The following CEP57 variants were observed in gnomAD, a reference collection of about 807,000 sequenced individuals.
CEP57 encodes centrosomal protein 57.
CEP57 carries 40 observed loss-of-function variants against 68.0 expected under a neutral mutation model. The ratio of observed to expected loss-of-function variants is 0.59; its 90% CI spans 0.46 to 0.77. The LOEUF (loss-of-function observed/expected upper bound fraction) is 0.77, where lower values mean the gene tolerates loss of function less well. CEP57 is among the 30% of genes least tolerant of loss of function. The pLI, the probability that CEP57 is intolerant of heterozygous loss-of-function variation, is 0.00. For missense variants in CEP57, 606 were observed against 580.7 expected (o/e 1.04, Z -0.45); for synonymous variants, 219 against 198.7 (o/e 1.10, Z -0.86).
chr11:95,805,804 T>C (rs2135286122), intron 2 of CEP57, among the ~76,000 whole-genome samples: 1 of 152,312 alleles, frequency 6.6e-6, no homozygotes, highest in African/African-American at 2.4e-5. Context: ...TTAGGGTGTG[T>C]ATGTAACAAA....
chr11:95,821,687 G>A (rs1862522316), intron 6 of CEP57, among the ~76,000 whole-genome samples, 184 bp from the exon 7 acceptor site: 1 of 152,120 alleles, frequency 6.6e-6, no homozygotes, highest in Non-Finnish European at 1.5e-5. Flanking sequence ...ATGAGAGACT[G>A]GTATTTATTT....
At chr11:95,807,396 A>G (rs1565317335) in intron 2 of CEP57, among the ~76,000 whole-genome samples, 3 of 152,226 alleles carry the variant, frequency 2.0e-5, no homozygotes. Context: ...AAGGCTTCAA[A>G]CGATCGGTGA....
intron 2 of CEP57, among the ~76,000 whole-genome samples, chr11:95,807,495 T>A (rs1156929722): frequency 6.6e-6 from 1 of 152,128 alleles, no homozygotes; most frequent in Non-Finnish European, 1.5e-5. Context: ...AATGGCTAAC[T>A]AGAATAAACA....
intron 2 of CEP57, among the ~76,000 whole-genome samples, chr11:95,801,925 G>A (rs987067789): frequency 6.6e-6 from 1 of 152,064 alleles, no homozygotes; most frequent in Non-Finnish European, 1.5e-5. Flanking sequence ...CAATGTCCCA[G>A]GATAATTATT....
intron 1 of CEP57, 95 bp downstream of exon 1, chr11:95,790,838 C>A: frequency 1.4e-6 from 2 of 1,444,636 alleles, no homozygotes; most frequent in South Asian, 1.2e-5. Context: ...CAGCTTCTGA[C>A]GCAATTCTGG....
chr11:95,828,295 A>ATAT, intron 9 of CEP57, among the ~76,000 whole-genome samples: 1 of 152,238 alleles, frequency 6.6e-6, no homozygotes, highest in Non-Finnish European at 1.5e-5. Context: ...GTCATGCATC[A>ATAT]CTGAATGACA....
rs902125355 is a variant in CEP57, at chr11:95,832,611, C to T, written c.*1355C>T. ...CTGGTGACATGATAAATATATGTGT[C>T]AACCACCATTTCAGCTATTAAAAAC... On this transcript the variant is annotated 3_prime_UTR_variant, in exon 11 of 11. Transcript: ENST00000325542. 6.6e-6 allele frequency: 1 copy of T among 152,116 alleles called. No individual in the cohort carries two copies. Among genetic ancestry groups the T allele is most frequent in the African/African-American group, 2.4e-5 (1 of 41,432 alleles). 9.4% of individuals were successfully genotyped at this position (152,116 alleles called of 1,614,324 possible). A position where few individuals can be genotyped will look rare whatever the true frequency, so the allele number is the denominator to read the frequency against.
At chr11:95,803,761 C>G (rs946975747) in intron 2 of CEP57, among the ~76,000 whole-genome samples, 5 of 150,108 alleles carry the variant, frequency 3.3e-5, no homozygotes, top group Non-Finnish European at 7.4e-5. Flanking sequence ...TTTTGCCTAG[C>G]AGGAAACATT....
intron 1 of CEP57, among the ~76,000 whole-genome samples, chr11:95,793,480 TCATA>T (rs1281546267): frequency 1.3e-5 from 2 of 152,224 alleles, no homozygotes; most frequent in Non-Finnish European, 2.9e-5. Flanking sequence ...TTTATGGCTA[TCATA>T]CATTTTATAA....
At chr11:95,805,728 T>C (rs1048402266) in intron 2 of CEP57, among the ~76,000 whole-genome samples, 4 of 152,160 alleles carry the variant, frequency 2.6e-5, no homozygotes, top group Non-Finnish European at 4.4e-5. Flanking sequence ...ATTTTAGTAA[T>C]TGAAATACTG....
chr11:95,793,461 TA>T (rs1292438316), intron 1 of CEP57, among the ~76,000 whole-genome samples: 1 of 152,198 alleles, frequency 6.6e-6, no homozygotes, highest in Non-Finnish European at 1.5e-5. Flanking sequence ...TAATTTCCCT[TA>T]AAAATGTTTT....
upstream of CEP57, chr11:95,790,381 G>A: frequency 4.2e-6 from 2 of 473,942 alleles, no homozygotes; most frequent in Non-Finnish European, 7.6e-6. Flanking sequence ...TGCCCCAGCG[G>A]GCCCCGTTAC....
At chr11:95,812,871 C>G (rs780688123) in intron 2 of CEP57, 61 bp from the exon 3 acceptor site, 2 of 1,445,084 alleles carry the variant, frequency 1.4e-6, no homozygotes, top group Middle Eastern at 4.2e-4. Context: ...TTTATTCTTT[C>G]TTAATATACT....
intron 5 of CEP57, among the ~76,000 whole-genome samples, chr11:95,818,265 A>G (rs1862384432): frequency 6.6e-6 from 1 of 152,064 alleles, no homozygotes; most frequent in South Asian, 2.1e-4. Context: ...TACAAAAATT[A>G]GCCGGGCATC....
At chr11:95,810,339 A>G (rs990564751) in intron 2 of CEP57, among the ~76,000 whole-genome samples, 2 of 152,192 alleles carry the variant, frequency 1.3e-5, no homozygotes, top group Non-Finnish European at 2.9e-5. Context: ...TAGTGTTGGA[A>G]CTTCTGGCCA....
chr11:95,813,011 G>A lies in CEP57; in HGVS notation c.282G>A (p.Val94=). The change falls in exon 3 of 11, where the codon GTG becomes GTA. Residue 94 remains valine (V), a synonymous_variant. Coordinates refer to ENST00000325542, the MANE Select transcript of CEP57 (RefSeq NM_014679.5). ...AGAGGATTCAGGCAGAAGAAAGTGT[G>A]AAAACCTTGTCTAGAGAAACAATTG... is the stretch of plus-strand genomic sequence containing the variant. ...ELERIQAEES[V]KTLSRETIEY... is the part of the protein sequence containing the mutation. The A allele has an allele frequency of 6.2e-7, 1 of 1,613,976 alleles. No homozygotes were observed. Among genetic ancestry groups the A allele is most frequent in the Non-Finnish European group, 8.5e-7 (1 of 1,179,972 alleles).
At chr11:95,803,120 T>G (rs1214242835) in intron 2 of CEP57, among the ~76,000 whole-genome samples, 1 of 152,204 alleles carries the variant, frequency 6.6e-6, no homozygotes, top group Non-Finnish European at 1.5e-5. Context: ...AGGAAAGATT[T>G]ATGCATATTT....
Position 95,827,834 on chromosome 11 carries a change from C to A in CEP57, c.934C>A (p.His312Asn). Residue 312 changes from histidine (H) to asparagine (N), a missense_variant, in exon 9 of 11, where the codon CAT (histidine) becomes AAT (asparagine). Physicochemically the swap from His to Asn is moderately conservative, Grantham distance 68. Transcript: ENST00000325542. ...GGTAGCCAATGTTCAGCTTGTCTTG[C>A]ATCTAATGAAGCAACACAGTAAAGC... ...AVVANVQLVL[H>N]LMKQHSKALC... The A allele has an allele frequency of 6.2e-7, 1 of 1,614,102 alleles. No homozygotes were observed. The highest frequency in any genetic ancestry group is 8.5e-7 in the Non-Finnish European group (1 of 1,179,998).
chr11:95,832,121 TATA>T lies in CEP57; in HGVS notation c.*867_*869del, dbSNP rs1273014740. ...TTACTGGTGTACAGTATGAGTGGAA[TATA>T]AACTGTACACATAATTATCATGTTG... On this transcript the variant is annotated 3_prime_UTR_variant, in exon 11 of 11. Transcript: ENST00000325542. The T allele has an allele frequency of 6.6e-6, 1 of 152,142 alleles. No homozygotes were observed. Among genetic ancestry groups the T allele is most frequent in the Non-Finnish European group, 1.5e-5 (1 of 68,004 alleles). The allele number at this position is 152,142 out of a possible 1,614,324, so 9.4% of individuals were successfully genotyped here. A position where few individuals can be genotyped will look rare whatever the true frequency, so the allele number is the denominator to read the frequency against.
Sources: allele counts gnomAD v4.1 joint callset (sites outside exome capture counted in the v4.1 genomes callset), GRCh38; gene constraint gnomAD v4.1.1; transcripts MANE v1.5; gene names NCBI Gene and HGNC (gene_info 2026-07-23, HGNC 2026-07-21).